Variants in ACSM6 observed in about 807,000 individuals in gnomAD.
The protein encoded by ACSM6 is acyl-CoA synthetase medium chain family member 6.
A neutral mutation model predicts 51.1 loss-of-function variants in ACSM6; 35 were observed. The observed-to-expected ratio is 0.69, with a 90% CI of 0.52 to 0.91. The LOEUF (loss-of-function observed/expected upper bound fraction) is 0.91. Ranked by LOEUF, ACSM6 falls within the 40% of genes least tolerant of loss-of-function variation. ACSM6 has a pLI of 0.00. For synonymous variants in ACSM6, 172 were observed against 207.3 expected (o/e 0.83, Z 1.46); for missense variants, 509 against 584.1 (o/e 0.87, Z 1.32).
intron 2 of ACSM6, among the ~76,000 whole-genome samples, chr10:95,200,825 G>C (rs908100984): frequency 1.3e-5 from 2 of 151,592 alleles, no homozygotes; most frequent in Non-Finnish European, 2.9e-5. Flanking sequence ...AGAGATGAGA[G>C]AGAGAGAGGA....
At chr10:95,227,847 C>T (rs2035054906) in intron 10 of ACSM6, among the ~76,000 whole-genome samples, 1 of 152,198 alleles carries the variant, frequency 6.6e-6, no homozygotes, top group African/African-American at 2.4e-5. Flanking sequence ...GCAGGCGGAT[C>T]ACCTGAGGTC....
At chr10:95,218,711 A>G (rs1348906681) in intron 8 of ACSM6, among the ~76,000 whole-genome samples, 1 of 152,228 alleles carries the variant, frequency 6.6e-6, no homozygotes, top group East Asian at 1.9e-4. Flanking sequence ...AAGGGGCCTA[A>G]CCTGAGACAT....
rs2035028306 is a variant in ACSM6, at chr10:95,225,405, C to A, written c.1302+14C>A. ...TGTCCACACATGGTAAGAAAATTTTCTTCTTTCCTAAATACTTTCATTGTT... is the reference window on the plus strand; with the variant it reads ...TGTCCACACATGGTAAGAAAATTTTATTCTTTCCTAAATACTTTCATTGTT... On this transcript the variant is annotated intron_variant, in intron 10 of 10. Transcript: ENST00000341686. The A allele has an allele frequency of 1.3e-6, 2 of 1,483,858 alleles. No homozygotes were observed. The highest frequency in any genetic ancestry group is 1.8e-6 in the Non-Finnish European group (2 of 1,095,110). 91.9% of individuals were successfully genotyped at this position (1,483,858 alleles called of 1,614,324 possible).
intron 8 of ACSM6, among the ~76,000 whole-genome samples, chr10:95,216,123 A>G (rs573855406): frequency 6.6e-6 from 1 of 152,214 alleles, no homozygotes; most frequent in South Asian, 2.1e-4. Flanking sequence ...TAGCACAGAC[A>G]CAGACTTGCT....
At chr10:95,211,879 C>T (rs200634904) in exon 6 of ACSM6, 16 of 1,598,886 alleles carry the variant, frequency 1.0e-5, no homozygotes, top group African/African-American at 8.1e-5. Flanking sequence ...TCTCTTTAGA[C>T]GGTGGATGGA....
chr10:95,215,168 A>G (rs1164800482), intron 8 of ACSM6, among the ~76,000 whole-genome samples, 193 bp downstream of exon 8: 4 of 152,218 alleles, frequency 2.6e-5, no homozygotes, highest in South Asian at 2.1e-4. Flanking sequence ...GATAACTTAC[A>G]GATTTACAGA....
In ACSM6 at chr10:95,203,159, G is replaced by A. The variant is rs1210491519; in HGVS notation, c.403+964G>A. 5.3e-5 allele frequency among the ~76,000 whole-genome samples: 8 copies of A among 151,918 alleles called. No homozygotes were observed. In the South Asian group the frequency reaches 1.0e-3, roughly 20 times the overall value. On this transcript the variant is annotated intron_variant, in intron 3 of 10. Coordinates refer to ENST00000341686, the Ensembl canonical transcript of ACSM6. ...GGTGGCATTAGATTCTCATAGGAGCGCAAATCCTATTGTGAACTGTGCATG... is the reference window on the plus strand; with the variant it reads ...GGTGGCATTAGATTCTCATAGGAGCACAAATCCTATTGTGAACTGTGCATG...
At chr10:95,224,884 G>T (rs957986485) in intron 9 of ACSM6, among the ~76,000 whole-genome samples, 1 of 152,046 alleles carries the variant, frequency 6.6e-6, no homozygotes, top group African/African-American at 2.4e-5. Context: ...TGTTTGAAAG[G>T]CCTTTCTGAG....
chr10:95,198,925 G>A (rs2034763148), intron 2 of ACSM6, among the ~76,000 whole-genome samples: 1 of 152,076 alleles, frequency 6.6e-6, no homozygotes. Context: ...TGGCCATACT[G>A]CCCAAGGTAA....
At chr10:95,206,230 T>C (rs1009310571) in intron 3 of ACSM6, among the ~76,000 whole-genome samples, 1 of 152,232 alleles carries the variant, frequency 6.6e-6, no homozygotes, top group Non-Finnish European at 1.5e-5. Context: ...CTTCCAGATA[T>C]TTCTTACAAA....
At chr10:95,228,891 C>A in exon 11 of ACSM6, 1 of 1,163,686 alleles carries the variant, frequency 8.6e-7, no homozygotes, top group Non-Finnish European at 1.1e-6. Flanking sequence ...AAAATGCAAA[C>A]AACCAAAAAT....
intron 9 of ACSM6, among the ~76,000 whole-genome samples, chr10:95,220,903 T>TA (rs1277979673): frequency 6.6e-6 from 1 of 152,106 alleles, no homozygotes; most frequent in African/African-American, 2.4e-5. Context: ...TAGAGTTAAT[T>TA]AAAAATATTT....
intron 3 of ACSM6, among the ~76,000 whole-genome samples, chr10:95,202,535 T>C (rs1048991310): frequency 2.0e-5 from 3 of 152,180 alleles, no homozygotes; most frequent in Non-Finnish European, 2.9e-5. Flanking sequence ...CAAGGAACTG[T>C]AGACCTCTGT....
Position 95,194,283 on chromosome 10 carries a change from T to C in ACSM6, c.-42T>C, listed in dbSNP as rs139790584. On this transcript the variant is annotated 5_prime_UTR_variant, in exon 1 of 11. Transcript: ENST00000341686. ...TCCTCCAAACATCTGAAGCCCCCCA[T>C]AGAAACTCCTCTTGGAATTGGTAAG... 1,220 of 514,524 alleles carry C rather than the reference T, an allele frequency of 2.4e-3. 25 individuals are homozygous for C. In the East Asian group the frequency reaches 0.033, roughly 14 times the overall value. 31.9% of individuals were successfully genotyped at this position (514,524 alleles called of 1,614,324 possible). A position where few individuals can be genotyped will look rare whatever the true frequency, so the allele number is the denominator to read the frequency against.
chr10:95,216,725 T>C (rs1224544411), intron 8 of ACSM6, among the ~76,000 whole-genome samples: 1 of 151,498 alleles, frequency 6.6e-6, no homozygotes, highest in African/African-American at 2.4e-5. Context: ...TTGAAAAAAA[T>C]AAGTAGAAAC....
intron 2 of ACSM6, among the ~76,000 whole-genome samples, chr10:95,200,928 CA>C: frequency 6.6e-6 from 1 of 152,216 alleles, no homozygotes; most frequent in South Asian, 2.1e-4. Flanking sequence ...GAGAAGAGGA[CA>C]AACCCGTGTT....
At chr10:95,210,861 G>C in intron 5 of ACSM6, 68 bp downstream of exon 5, 3 of 1,513,320 alleles carry the variant, frequency 2.0e-6, no homozygotes, top group Non-Finnish European at 2.7e-6. Context: ...AGCTTCATGG[G>C]ACTAAAGCTA....
intron 2 of ACSM6, among the ~76,000 whole-genome samples, chr10:95,197,908 G>A (rs911085531): frequency 1.3e-5 from 2 of 152,246 alleles, no homozygotes; most frequent in African/African-American, 2.4e-5. Context: ...GCAGTGCACT[G>A]TGCCCCTGGT....
At chr10:95,194,907 C>T (rs1221566389) in intron 2 of ACSM6, among the ~76,000 whole-genome samples, 6 of 152,188 alleles carry the variant, frequency 3.9e-5, no homozygotes, top group Non-Finnish European at 7.3e-5. Flanking sequence ...AAGTTATTTG[C>T]CTTCTAGGAC....
Sources: gnomAD v4.1 joint callset for allele counts (sites outside exome capture counted in the v4.1 genomes callset) on GRCh38, gnomAD v4.1.1 for gene constraint, MANE v1.5 for transcripts, NCBI Gene and HGNC (gene_info 2026-07-23, HGNC 2026-07-21) for gene names.